FBRSL1: variants seen among roughly 807,000 people sequenced by gnomAD.
The protein encoded by FBRSL1 is fibrosin like 1.
Under a neutral mutation model 89.6 loss-of-function variants are expected in FBRSL1, and 51 were observed. The observed-to-expected ratio is 0.57, with a 90% CI of 0.45 to 0.72. The LOEUF (loss-of-function observed/expected upper bound fraction) is 0.72, where lower values mean the gene tolerates loss of function less well. Ranked by LOEUF, FBRSL1 falls within the 30% of genes least tolerant of loss-of-function variation. The pLI is 0.00. For synonymous variants in FBRSL1, 779 were observed against 681.1 expected (o/e 1.14, Z -2.24); for missense variants, 1,618 against 1,451.8 (o/e 1.11, Z -1.86).
chr12:132,534,108 G>T (rs938191640), intron 4 of FBRSL1, among the ~76,000 whole-genome samples: 1 of 152,168 alleles, frequency 6.6e-6, no homozygotes, highest in Non-Finnish European at 1.5e-5. Flanking sequence ...AGAGGGGCAG[G>T]GTCCAGGCCA....
rs141579903 is a variant in FBRSL1 at position 132,576,576 on chromosome 12, C to T, written c.1702-223C>T. 9.2e-5 allele frequency among the ~76,000 whole-genome samples: 14 copies of T among 152,348 alleles called. No homozygotes were observed. In the East Asian group the frequency reaches 2.1e-3, roughly 23 times the overall value. On this transcript the variant is annotated intron_variant, in intron 14 of 18. Coordinates refer to ENST00000680143, the MANE Select transcript of FBRSL1 (RefSeq NM_001367871.1). Reference sequence around the variant, plus strand: ...CATCCCAGCTGCCATGTGCCAAGTACGTACCACAGTTCAGAGGACGTGAGC... The same window carrying T: ...CATCCCAGCTGCCATGTGCCAAGTATGTACCACAGTTCAGAGGACGTGAGC...
intron 18 of FBRSL1, among the ~76,000 whole-genome samples, 188 bp from the exon 19 acceptor site, chr12:132,582,783 C>T (rs2040867412): frequency 6.6e-6 from 1 of 152,090 alleles, no homozygotes; most frequent in Admixed American, 6.5e-5. Flanking sequence ...CCAAGGTTTC[C>T]AGGCCGCCCA....
At chr12:132,574,451 G>T in intron 13 of FBRSL1, 42 bp from the exon 14 acceptor site, 3 of 1,548,786 alleles carry the variant, frequency 1.9e-6, no homozygotes, top group Middle Eastern at 1.7e-4. Context: ...AACATGGGTG[G>T]GGGTGGCACC....
At chr12:132,540,647 G>T (rs1255421658) in intron 4 of FBRSL1, among the ~76,000 whole-genome samples, 1 of 152,092 alleles carries the variant, frequency 6.6e-6, no homozygotes, top group Non-Finnish European at 1.5e-5. Context: ...CATCCCGTGG[G>T]CTTCCGAGCC....
chr12:132,521,336 C>T (rs1400720213), intron 2 of FBRSL1, among the ~76,000 whole-genome samples: 3 of 152,240 alleles, frequency 2.0e-5, no homozygotes, highest in African/African-American at 7.2e-5. Flanking sequence ...CATACCTGTG[C>T]TCCATTTCTG....
Position 132,490,877 on chromosome 12 carries a change from C to T in FBRSL1, c.291+16C>T, listed in dbSNP as rs747891545. The T allele has an allele frequency of 5.7e-6, 7 of 1,235,152 alleles. No homozygotes were observed. Among genetic ancestry groups the T allele is most frequent in the African/African-American group, 4.8e-5 (3 of 62,776 alleles). The allele number at this position is 1,235,152 out of a possible 1,614,324, so 76.5% of individuals were successfully genotyped here. On this transcript the variant is annotated intron_variant, in intron 1 of 18. Coordinates refer to ENST00000680143, the MANE Select transcript of FBRSL1 (RefSeq NM_001367871.1). Reference sequence around the variant, plus strand: ...GGCCCTGGAGGTAGGTGGACGGGTGCGGCTTCGCAGGCGTTGAGGCGAGAA... The same window carrying T: ...GGCCCTGGAGGTAGGTGGACGGGTGTGGCTTCGCAGGCGTTGAGGCGAGAA...
At chr12:132,564,643 C>G (rs895017078) in intron 5 of FBRSL1, among the ~76,000 whole-genome samples, 1 of 123,254 alleles carries the variant, frequency 8.1e-6, no homozygotes, top group Non-Finnish European at 1.6e-5. Context: ...CTACAGGCGC[C>G]CGCCACCACG....
At position 132,576,817 on chromosome 12, in the gene FBRSL1, C is replaced by G; in HGVS notation, c.1720C>G (p.His574Asp). Residue 574 changes from histidine (H) to aspartate (D), a missense_variant, in exon 15 of 19, where the codon CAC becomes GAC. Coordinates refer to ENST00000680143, the MANE Select transcript of FBRSL1 (RefSeq NM_001367871.1). ...QKIKEMQLDP[H>D]KLEVGAKLDL... ...CTCCCAGGAGATGCAGCTGGACCCCCACAAGCTGGAGGTGGGTGCAAAGCT... is the reference window on the plus strand; with the variant it reads ...CTCCCAGGAGATGCAGCTGGACCCCGACAAGCTGGAGGTGGGTGCAAAGCT... The G allele has an allele frequency of 6.4e-7, 1 of 1,550,980 alleles. No individual in the cohort carries two copies. The highest frequency in any genetic ancestry group is 8.7e-7 in the Non-Finnish European group (1 of 1,146,890).
chr12:132,570,603 CG>C, intron 8 of FBRSL1, 63 bp downstream of exon 8: 4 of 1,340,096 alleles, frequency 3.0e-6, no homozygotes, highest in Non-Finnish European at 3.9e-6. Flanking sequence ...ACACGGCCAC[CG>C]GGGAGGGGCG....
intron 2 of FBRSL1, chr12:132,510,471 G>A (rs2034208828): frequency 8.1e-7 from 1 of 1,231,942 alleles, no homozygotes; most frequent in Non-Finnish European, 1.0e-6. Context: ...TCCCCATATG[G>A]GTTTTCCAGC....
At position 132,581,827 on chromosome 12, in the gene FBRSL1, G is replaced by C. The variant is rs1303468005; in HGVS notation, c.1996+3G>C. ...GGGCCTGGGCAGCCATGCACTGGGTGAGTGACCCAGCCTGTGCCCCCCTCC... is the reference window on the plus strand; with the variant it reads ...GGGCCTGGGCAGCCATGCACTGGGTCAGTGACCCAGCCTGTGCCCCCCTCC... On this transcript the variant is annotated splice_donor_region_variant and intron_variant, in intron 17 of 18. Coordinates refer to ENST00000680143, the MANE Select transcript of FBRSL1 (RefSeq NM_001367871.1). 2.6e-6 allele frequency: 4 copies of C among 1,542,090 alleles called. No individual in the cohort carries two copies. Among genetic ancestry groups the C allele is most frequent in the Non-Finnish European group, 3.5e-6 (4 of 1,142,570 alleles).
rs181180714 is a variant in FBRSL1, at chr12:132,502,104, G to A, written c.292-6049G>A. The stretch of plus-strand genomic sequence containing the variant: ...GGGTCTGAGTGATGCGTCCCACTCA[G>A]TGTGTTGACCACCATCCTGATGCGT... On this transcript the variant is annotated intron_variant, in intron 1 of 18. Transcript: ENST00000680143. 1.8e-3 allele frequency among the ~76,000 whole-genome samples: 271 copies of A among 152,364 alleles called. 1 individual carries two copies. Among genetic ancestry groups the A allele is most frequent in the African/African-American group, 6.1e-3 (252 of 41,584 alleles).
At chr12:132,581,559 TC>T in intron 16 of FBRSL1, 43 bp downstream of exon 16, 1 of 1,542,842 alleles carries the variant, frequency 6.5e-7, no homozygotes. Context: ...GGCTGGTTCC[TC>T]AGCAGCCTTG....
At chr12:132,579,087 C>T (rs975057752) in intron 15 of FBRSL1, among the ~76,000 whole-genome samples, 1 of 152,164 alleles carries the variant, frequency 6.6e-6, no homozygotes, top group African/African-American at 2.4e-5. Flanking sequence ...GGTGGCTGTC[C>T]CTCGGTGCTC....
chr12:132,496,260 C>CG (rs2032014873), intron 1 of FBRSL1, among the ~76,000 whole-genome samples: 2 of 152,204 alleles, frequency 1.3e-5, no homozygotes, highest in South Asian at 4.1e-4. Context: ...GCTGTCCTTA[C>CG]GGGGAGGTCT....
At chr12:132,528,519 G>A (rs1238416292) in intron 4 of FBRSL1, among the ~76,000 whole-genome samples, 1 of 152,088 alleles carries the variant, frequency 6.6e-6, no homozygotes, top group Non-Finnish European at 1.5e-5. Flanking sequence ...GTGGCGGGCA[G>A]GGGGAAGGAG....
chr12:132,580,725 G>A, intron 15 of FBRSL1: 2 of 974,160 alleles, frequency 2.1e-6, no homozygotes, highest in Non-Finnish European at 2.4e-6. Context: ...CCCCATCTTT[G>A]AGGTCCCTAA....
intron 1 of FBRSL1, 59 bp from the exon 2 acceptor site, chr12:132,508,094 C>T: frequency 1.4e-6 from 2 of 1,458,312 alleles, no homozygotes; most frequent in Non-Finnish European, 1.9e-6. Context: ...TGGGTGCTGT[C>T]CTGGGCCCAA....
chr12:132,508,646 C>T (rs1171882573), intron 2 of FBRSL1, among the ~76,000 whole-genome samples: 2 of 152,228 alleles, frequency 1.3e-5, no homozygotes, highest in Non-Finnish European at 1.5e-5. Context: ...AGGCCGGCCC[C>T]GTTTCCCTGC....
Sources: gnomAD v4.1 joint callset for allele counts (sites outside exome capture counted in the v4.1 genomes callset) on GRCh38, gnomAD v4.1.1 for gene constraint, MANE v1.5 for transcripts, NCBI Gene and HGNC (gene_info 2026-07-23, HGNC 2026-07-21) for gene names.